ABHD16A: variants seen among roughly 807,000 people sequenced by gnomAD.
The protein encoded by ABHD16A is abhydrolase domain containing 16A, phospholipase, also known as phosphatidylserine lipase ABHD16A.
A neutral mutation model predicts 89.8 loss-of-function variants in ABHD16A; 47 were observed. The observed-to-expected ratio is 0.52, with a 90% CI of 0.41 to 0.67. The LOEUF is 0.67. ABHD16A is among the 30% of genes least tolerant of loss of function. The pLI is 0.00. For synonymous variants in ABHD16A, 251 were observed against 280.4 expected, an observed-to-expected ratio of 0.90 and a Z score of 1.05; for missense variants, 580 against 734.6, an observed-to-expected ratio of 0.79 and a Z score of 2.43.
At position 31,687,135 on chromosome 6, in the gene ABHD16A, CAG is replaced by C; in HGVS notation, c.*75_*76del. On this transcript the variant is annotated 3_prime_UTR_variant, in exon 20 of 20. Coordinates refer to ENST00000395952, the MANE Select transcript of ABHD16A (RefSeq NM_021160.3). The surrounding 1 kb of genome is among the most constrained non-coding windows in gnomAD (Gnocchi z 6.3). ...CAAACTATAAACAGCAACATGAACA[CAG>C]AGAATCACAAATAAGAGGGTCTTTC... The C allele has an allele frequency of 5.1e-6, 7 of 1,369,560 alleles. No individual in the cohort carries two copies. The South Asian group carries it at 8.9e-5, about 17-fold the overall frequency. 84.8% of individuals were successfully genotyped at this position (1,369,560 alleles called of 1,614,324 possible).
intron 5 of ABHD16A, among the ~76,000 whole-genome samples, chr6:31,694,975 C>T (rs1475980094): frequency 6.6e-6 from 1 of 152,146 alleles, no homozygotes. Flanking sequence ...CTTTTTGCCT[C>T]TGTTTTCTCA....
Position 31,690,374 on chromosome 6 carries a change from G to C in ABHD16A, c.907+165C>G. 1 of 768,900 alleles carries C rather than the reference G, an allele frequency of 1.3e-6. No individual in the cohort carries two copies. The highest frequency in any genetic ancestry group is 2.6e-5 in the East Asian group (1 of 38,296). The allele number at this position is 768,900 out of a possible 1,614,324, so 47.6% of individuals were successfully genotyped here. A position where few individuals can be genotyped will look rare whatever the true frequency, so the allele number is the denominator to read the frequency against. On this transcript the variant is annotated intron_variant, in intron 10 of 19. Transcript: ENST00000395952. The surrounding 1 kb of genome is among the most constrained non-coding windows in gnomAD (Gnocchi z 4.1). The stretch of plus-strand genomic sequence containing the variant: ...AGCTAGGGACACAGGCCAGGGGAGG[G>C]ATGTAAGGTTATCAAAGCAAATGGC...
chr6:31,687,511 A>C lies in ABHD16A; in HGVS notation c.1580T>G (p.Leu527Arg). The C allele has an allele frequency of 6.2e-7, 1 of 1,613,070 alleles. No homozygotes were observed. Among genetic ancestry groups the C allele is most frequent in the Non-Finnish European group, 8.5e-7 (1 of 1,179,980 alleles). Reference sequence around the variant, plus strand: ...TCCTTAGCTCACCAGAAACAAAGCCAGCTGCCGCCGTCCATCTGCACTCAT... The same window carrying C: ...TCCTTAGCTCACCAGAAACAAAGCCCGCTGCCGCCGTCCATCTGCACTCAT... ...EDMSADGRRQLALFLARKHLH... is the reference protein window; with the variant it reads ...EDMSADGRRQRALFLARKHLH... Residue 527 changes from leucine to arginine, a missense_variant, in exon 19 of 20, where the codon CTG (leucine) becomes CGG (arginine). Coordinates refer to ENST00000395952, the MANE Select transcript of ABHD16A (RefSeq NM_021160.3). The surrounding 1 kb of genome is among the most constrained non-coding windows in gnomAD (Gnocchi z 6.3).
chr6:31,691,839 C>A lies in ABHD16A; in HGVS notation c.706G>T (p.Val236Leu). 1 of 1,611,616 alleles carries A rather than the reference C, an allele frequency of 6.2e-7. No homozygotes were observed. Among genetic ancestry groups the A allele is most frequent in the Non-Finnish European group, 8.5e-7 (1 of 1,179,624 alleles). ...VYLLQKALMP[V>L]LLQGQARLVE... ...AGTCGGGCCTGGCCCTGCAGCAGCA[C>A]AGGCATGAGGGCCTTCTGCAGCAGG... The change falls in exon 8 of 20, where the codon GTG becomes TTG. Residue 236 changes from valine (V) to leucine (L), a missense_variant. Val to Leu is a conservative substitution (Grantham distance 32). Transcript: ENST00000395952.
rs1376166535 is a variant in ABHD16A at position 31,691,926 on chromosome 6, G to C, written c.627-8C>G. ...GTGTGCGCCACCAGGTAGCTGTGGG[G>C]AACACAGGTTAACAAACCCCAACCC... On this transcript the variant is annotated splice_polypyrimidine_tract_variant and splice_region_variant and intron_variant, in intron 7 of 19. Transcript: ENST00000395952. The C allele has an allele frequency of 6.3e-7, 1 of 1,596,068 alleles. No homozygotes were observed. The highest frequency in any genetic ancestry group is 1.7e-5 in the Admixed American group (1 of 58,544).
intron 3 of ABHD16A, 21 bp from the exon 4 acceptor site, chr6:31,701,049 T>G: frequency 6.3e-7 from 1 of 1,581,462 alleles, no homozygotes; most frequent in Non-Finnish European, 8.7e-7. Context: ...AGAGGGACAA[T>G]GTGAGACCCT....
chr6:31,703,094 G>T, intron 1 of ABHD16A, 56 bp downstream of exon 1: 1 of 1,373,654 alleles, frequency 7.3e-7, no homozygotes, highest in Non-Finnish European at 9.5e-7. Context: ...GGGAGCAAAA[G>T]GCCGTAAAGG....
In ABHD16A at chr6:31,696,957, TG is replaced by T. The variant is rs1804456815; in HGVS notation, c.419del (p.Ser140Ter). On this transcript the variant is annotated frameshift_variant, in exon 5 of 20. Transcript: ENST00000395952. LOFTEE classifies it high-confidence loss of function. Reference protein sequence around the residue: ...ILEATHRNQSSENKRQLANYN... With the variant: ...ILEATHRNQSXENKRQLANYN... ...TCCTAGGGCCTCTCACCTTGTTTTC[TG>T]AAGACTGGTTCCGATGTGTTGCTTC... is the stretch of plus-strand genomic sequence containing the variant. The T allele has an allele frequency of 6.2e-7, 1 of 1,612,926 alleles. No individual in the cohort carries two copies. The highest frequency in any genetic ancestry group is 1.3e-5 in the African/African-American group (1 of 74,936).
rs751296518 is a variant in ABHD16A, at chr6:31,690,157, C to G, written c.908-30G>C. ...AACACAGGGGGAGGAGGGACTGAGA[C>G]CTTGTGGCCCACAGCCCTTTCTCCA... is the stretch of plus-strand genomic sequence containing the variant. On this transcript the variant is annotated intron_variant, in intron 10 of 19. Transcript: ENST00000395952. The surrounding 1 kb of genome is among the most constrained non-coding windows in gnomAD (Gnocchi z 4.1). 3.3e-5 allele frequency: 51 copies of G among 1,557,850 alleles called. No individual in the cohort carries two copies. The highest frequency in any genetic ancestry group is 4.2e-5 in the Non-Finnish European group (48 of 1,151,804).
rs1026905027 is a variant in ABHD16A at position 31,690,814 on chromosome 6, C to T, written c.844-212G>A. 6.6e-6 allele frequency among the ~76,000 whole-genome samples: 1 copy of T among 152,174 alleles called. No homozygotes were observed. The highest frequency in any genetic ancestry group is 1.5e-5 in the Non-Finnish European group (1 of 68,032). ...AATACTCCTCAGAGGCTGACCTGCTCGACCACCCAGCCATGTCTTTTCCTT... is the reference window on the plus strand; with the variant it reads ...AATACTCCTCAGAGGCTGACCTGCTTGACCACCCAGCCATGTCTTTTCCTT... On this transcript the variant is annotated intron_variant, in intron 9 of 19. Coordinates refer to ENST00000395952, the MANE Select transcript of ABHD16A (RefSeq NM_021160.3). This position sits in a 1 kb window ranked among gnomAD's most constrained non-coding sequence, Gnocchi z 4.1.
At chr6:31,699,559 A>G (rs1804728176) in intron 4 of ABHD16A, among the ~76,000 whole-genome samples, 1 of 152,048 alleles carries the variant, frequency 6.6e-6, no homozygotes, top group Admixed American at 6.6e-5. Context: ...ACAACATTTG[A>G]GAAATTCATC....
intron 11 of ABHD16A, 69 bp from the exon 12 acceptor site, chr6:31,689,773 T>C: frequency 6.5e-7 from 1 of 1,550,344 alleles, no homozygotes; most frequent in Non-Finnish European, 8.7e-7. Context: ...CCTCCCAACG[T>C]GGACCCCTCC....
At chr6:31,689,832 GGA>G (rs1199914215) in intron 11 of ABHD16A, 128 bp from the exon 12 acceptor site, 2 of 1,380,300 alleles carry the variant, frequency 1.4e-6, no homozygotes, top group African/African-American at 1.5e-5. Context: ...AGGGATGGTA[GGA>G]GAGGTTGTTC....
In ABHD16A at chr6:31,688,703, G is replaced by A. The variant is rs750632865; in HGVS notation, c.1250+20C>T. The A allele has an allele frequency of 8.7e-6, 14 of 1,612,444 alleles. No homozygotes were observed. Among genetic ancestry groups the A allele is most frequent in the South Asian group, 2.2e-5 (2 of 91,062 alleles). On this transcript the variant is annotated intron_variant, in intron 14 of 19. Transcript: ENST00000395952. This position sits in a 1 kb window ranked among gnomAD's most constrained non-coding sequence, Gnocchi z 4.9. ...GTATGGGGGGCAGGTGTTCAATGCCGGACGCTGGCCGGCCCTCACCTGCAC... is the reference window on the plus strand; with the variant it reads ...GTATGGGGGGCAGGTGTTCAATGCCAGACGCTGGCCGGCCCTCACCTGCAC...
chr6:31,701,310 A>G lies in ABHD16A; in HGVS notation c.220T>C (p.Ser74Pro). The change falls in exon 3 of 20, where the codon TCC becomes CCC. Residue 74 changes from serine (S) to proline (P), a missense_variant. Transcript: ENST00000395952. ...AAGTAGAAGAAGGCGAAGGGAGAGG[A>G]GTAATAAGAGATGGACCAGAATACT... ...ASVFWSISYYSSPFAFFYLYR... is the reference protein window; with the variant it reads ...ASVFWSISYYPSPFAFFYLYR... 1 of 1,613,668 alleles carries G rather than the reference A, an allele frequency of 6.2e-7. No homozygotes were observed. Among genetic ancestry groups the G allele is most frequent in the Non-Finnish European group, 8.5e-7 (1 of 1,179,838 alleles).
chr6:31,703,090 A>T (rs1323365448), intron 1 of ABHD16A, 60 bp downstream of exon 1: 2 of 1,372,624 alleles, frequency 1.5e-6, no homozygotes, highest in African/African-American at 3.0e-5. Flanking sequence ...TCTGGGGAGC[A>T]AAAGGCCGTA....
In ABHD16A at chr6:31,698,624, T is replaced by A. The variant is rs1172249534; in HGVS notation, c.344-1591A>T. ...CCACAGCCTCCCAAATAGCTGGGATTACAAGCGCCCGCCACCATGCACAGC... is the reference window on the plus strand; with the variant it reads ...CCACAGCCTCCCAAATAGCTGGGATAACAAGCGCCCGCCACCATGCACAGC... On this transcript the variant is annotated intron_variant, in intron 4 of 19. Transcript: ENST00000395952. This position sits in a 1 kb window ranked among gnomAD's most constrained non-coding sequence, Gnocchi z 4.1. Among the ~76,000 whole-genome samples the A allele has an allele frequency of 6.6e-6, 1 of 152,150 alleles. No homozygotes were observed. Among genetic ancestry groups the A allele is most frequent in the Admixed American group, 6.6e-5 (1 of 15,254 alleles).
Position 31,693,237 on chromosome 6 carries a change from G to C in ABHD16A, c.504-88C>G. 6.3e-7 allele frequency: 1 copy of C among 1,586,404 alleles called. No individual in the cohort carries two copies. The highest frequency in any genetic ancestry group is 8.6e-7 in the Non-Finnish European group (1 of 1,161,640). On this transcript the variant is annotated intron_variant, in intron 6 of 19. Coordinates refer to ENST00000395952, the MANE Select transcript of ABHD16A (RefSeq NM_021160.3). This position sits in a 1 kb window ranked among gnomAD's most constrained non-coding sequence, Gnocchi z 5.0. ...CTGGAGAACAGTGGGGTCTAGGAACGACATAATGGCATTGGAAGGCAGGCA... is the reference window on the plus strand; with the variant it reads ...CTGGAGAACAGTGGGGTCTAGGAACCACATAATGGCATTGGAAGGCAGGCA...
In ABHD16A at chr6:31,687,218, GTGCCAGGGCATC is replaced by G; in HGVS notation, c.1659_1670del (p.Gln553_Trp556del). 1 of 1,612,680 alleles carries G rather than the reference GTGCCAGGGCATC, an allele frequency of 6.2e-7. No homozygotes were observed. Among genetic ancestry groups the G allele is most frequent in the Non-Finnish European group, 8.5e-7 (1 of 1,179,770 alleles). On this transcript the variant is annotated inframe_deletion, in exon 20 of 20. Coordinates refer to ENST00000395952, the MANE Select transcript of ABHD16A (RefSeq NM_021160.3). The surrounding 1 kb of genome is among the most constrained non-coding windows in gnomAD (Gnocchi z 6.3). Reference sequence around the variant, plus strand: ...AATGAGTCCCAGTTGGTCCCTAGAGGTGCCAGGGCATCTGGAAGTTCTGGGCTGGGAGTGGGG... The same window carrying G: ...AATGAGTCCCAGTTGGTCCCTAGAGGTGGAAGTTCTGGGCTGGGAGTGGGG...
Sources: allele counts gnomAD v4.1 joint callset (sites outside exome capture counted in the v4.1 genomes callset), GRCh38; gene constraint gnomAD v4.1.1; non-coding constraint Gnocchi (gnomAD v3.1); transcripts MANE v1.5; gene names NCBI Gene and HGNC (gene_info 2026-07-23, HGNC 2026-07-21).